HRNR: variants seen among roughly 807,000 people sequenced by gnomAD.
HRNR encodes the protein filaggrin family member 3.
HRNR carries 7 observed loss-of-function variants against 4.8 expected under a neutral mutation model. That is an observed-to-expected ratio of 1.47 (90% CI 0.83 to 2.75). HRNR has a LOEUF of 2.75. HRNR is among the 30% of genes most tolerant of loss of function. HRNR has a pLI of 0.00. For synonymous variants in HRNR, 1,023 were observed against 1,242.7 expected, an observed-to-expected ratio of 0.82 and a Z score of 3.72; for missense variants, 2,879 against 3,010.4, an observed-to-expected ratio of 0.96 and a Z score of 1.02.
chr1:152,219,611 G>A lies in HRNR; in HGVS notation c.2018C>T (p.Ser673Phe). The A allele has an allele frequency of 6.2e-7, 1 of 1,610,628 alleles. No homozygotes were observed. The highest frequency in any genetic ancestry group is 2.2e-5 in the East Asian group (1 of 44,650). Residue 673 changes from serine to phenylalanine, a missense_variant, in exon 3 of 3, where the codon TCC (serine) becomes TTC (phenylalanine). Ser to Phe is a radical substitution (Grantham distance 155, BLOSUM62 -2). Transcript: ENST00000368801. Reference protein sequence around the residue: ...GRHGSDFGHSSSYGQHGSGSG... With the variant: ...GRHGSDFGHSFSYGQHGSGSG... ...GCCAGACCCATGTTGGCCGTAGCTG[G>A]AAGAGTGCCCAAAATCGGACCCATG...
Position 152,220,618 on chromosome 1 carries a change from A to G in HRNR, c.1011T>C (p.His337=). Residue 337 remains histidine (H), a synonymous_variant, in exon 3 of 3, where the codon CAT becomes CAC. Transcript: ENST00000368801. ...AAGTCTGGCCTGAGCCAGACTCATA[A>G]TGGCCACGGCTGTAAGAGTAACTTG... ...SGSSYSYSRG[H]YESGSGQTSG... 6.2e-7 allele frequency: 1 copy of G among 1,610,900 alleles called. No individual in the cohort carries two copies. Among genetic ancestry groups the G allele is most frequent in the East Asian group, 2.2e-5 (1 of 44,584 alleles).
rs1271733837 is a variant in HRNR at position 152,219,524 on chromosome 1, C to A, written c.2105G>T (p.Gly702Val). 6.2e-7 allele frequency: 1 copy of A among 1,613,600 alleles called. No homozygotes were observed. The highest frequency in any genetic ancestry group is 2.2e-5 in the East Asian group (1 of 44,844). ...GSVSGQSSGF[G>V]HKSGSGQSSG... ...GGACTGCCCTGAGCCAGACTTGTGA[C>A]CAAAGCCGGAAGACTGGCCTGAGAC... is the stretch of plus-strand genomic sequence containing the variant. Residue 702 changes from glycine (G) to valine (V), a missense_variant, in exon 3 of 3, where the codon GGT becomes GTT. Physicochemically the swap from Gly to Val is moderately radical, Grantham distance 109. This residue lies in a region of HRNR where 2,646 missense variants were observed against 1,377.7 expected (regional missense o/e 1.92). Coordinates refer to ENST00000368801, the MANE Select transcript of HRNR (RefSeq NM_001009931.3).
chr1:152,212,691 T>G lies in HRNR; in HGVS notation c.*385A>C. 1 of 245,326 alleles carries G rather than the reference T, an allele frequency of 4.1e-6. No individual in the cohort carries two copies. The highest frequency in any genetic ancestry group is 7.8e-6 in the Non-Finnish European group (1 of 128,738). The allele number at this position is 245,326 out of a possible 1,614,324, so 15.2% of individuals were successfully genotyped here. A position where few individuals can be genotyped will look rare whatever the true frequency, so the allele number is the denominator to read the frequency against. The stretch of plus-strand genomic sequence containing the variant: ...CTTTGTATCTAGGACTGGTAATGCA[T>G]TTGTAATATTTTGCTTCTAAGAAAT... On this transcript the variant is annotated 3_prime_UTR_variant, in exon 3 of 3. Transcript: ENST00000368801.
rs370605400 is a variant in HRNR at position 152,219,402 on chromosome 1, C to T, written c.2227G>A (p.Gly743Arg). The T allele has an allele frequency of 1.8e-5, 29 of 1,613,962 alleles. No homozygotes were observed. Among genetic ancestry groups the T allele is most frequent in the African/African-American group, 8.0e-5 (6 of 74,880 alleles). ...SGQSSRSEQH[G>R]SSSGLSSSYG... is the part of the protein sequence containing the mutation. ...CTGGAAGACAAACCTGAGCTAGATC[C>T]GTGTTGTTCACTCCTAGATGACTGT... The change falls in exon 3 of 3, where the codon GGA becomes AGA. Residue 743 changes from glycine to arginine, a missense_variant. This residue lies in a region of HRNR where 2,646 missense variants were observed against 1,377.7 expected (regional missense o/e 1.92). Coordinates refer to ENST00000368801, the MANE Select transcript of HRNR (RefSeq NM_001009931.3).
In HRNR at chr1:152,218,592, G is replaced by A. The variant is rs140036436; in HGVS notation, c.3037C>T (p.Arg1013Ter). ...GACTGCCCGGAACCAGACCCATGTC[G>A]GCCACGGCTAGGGCTAGGAGACTGG... ...SGQSPSPSRG[R>*]HGSGSGQSSS... is the part of the protein sequence containing the mutation. Residue 1013 changes from arginine to a stop codon, truncating the protein, a stop_gained, in exon 3 of 3, where the codon CGA becomes TGA. Coordinates refer to ENST00000368801, the MANE Select transcript of HRNR (RefSeq NM_001009931.3). LOFTEE classifies it low-confidence loss of function (END_TRUNC). 48 of 1,613,418 alleles carry A rather than the reference G, an allele frequency of 3.0e-5. No individual in the cohort carries two copies. The highest frequency in any genetic ancestry group is 1.6e-4 in the Middle Eastern group (1 of 6,080).
At chr1:152,222,346 C>G (rs928007877) in intron 2 of HRNR, among the ~76,000 whole-genome samples, 4 of 152,068 alleles carry the variant, frequency 2.6e-5, no homozygotes, top group African/African-American at 9.7e-5. Flanking sequence ...ATTTTAAGAG[C>G]AATTGGGAAC....
chr1:152,218,885 C>T lies in HRNR; in HGVS notation c.2744G>A (p.Arg915Gln), dbSNP rs372864050. The stretch of plus-strand genomic sequence containing the variant: ...CCCATGTCGGCCACTGCTGGAAGAC[C>T]GACCGGAGCCAGACCCATGTCGGCC... Reference protein sequence around the residue: ...SYGRHGSGSGRSSSSGRHGSG... With the variant: ...SYGRHGSGSGQSSSSGRHGSG... Residue 915 changes from arginine to glutamine, a missense_variant, in exon 3 of 3, where the codon CGG (arginine) becomes CAG (glutamine). By Grantham distance (43) the Arg-to-Gln change is conservative. This residue lies in a region of HRNR where 2,646 missense variants were observed against 1,377.7 expected (regional missense o/e 1.92). Transcript: ENST00000368801. The T allele has an allele frequency of 2.7e-5, 44 of 1,611,384 alleles. No individual in the cohort carries two copies. Among genetic ancestry groups the T allele is most frequent in the Middle Eastern group, 1.7e-4 (1 of 6,050 alleles).
chr1:152,224,058 G>A (rs1295818825), intron 1 of HRNR, 85 bp downstream of exon 1: 1 of 152,094 alleles, frequency 6.6e-6, no homozygotes, highest in Non-Finnish European at 1.5e-5. Flanking sequence ...CTTGTATCTA[G>A]TGCCTCTTTG....
At position 152,222,983 on chromosome 1, in the gene HRNR, A is replaced by G. The variant is rs932849739; in HGVS notation, c.138+133T>C. On this transcript the variant is annotated intron_variant, in intron 2 of 2. Transcript: ENST00000368801. ...GGATCTGCTTTTGACCTTATCTCAA[A>G]CTTTTACCAAACCCTGTTCTCTCTC... The G allele has an allele frequency of 8.4e-5, 75 of 896,190 alleles. 1 individual carries two copies. Among genetic ancestry groups the G allele is most frequent in the Admixed American group, 2.2e-4 (9 of 40,988 alleles). 55.5% of individuals were successfully genotyped at this position (896,190 alleles called of 1,614,324 possible).
In HRNR at chr1:152,223,182, C is replaced by A. The variant is rs1333326045; in HGVS notation, c.72G>T (p.Glu24Asp). ...VFYQYATQHG[E>D]YDTLNKAELK... ...GCTCTGCCTTGTTCAACGTATCATA[C>A]TCCCCATGCTGGGTGGCATATTGGT... is the stretch of plus-strand genomic sequence containing the variant. The change falls in exon 2 of 3, where the codon GAG becomes GAT. Residue 24 changes from glutamate to aspartate, a missense_variant. Transcript: ENST00000368801. 9 of 1,613,740 alleles carry A rather than the reference C, an allele frequency of 5.6e-6. No homozygotes were observed. The highest frequency in any genetic ancestry group is 1.1e-5 in the South Asian group (1 of 91,054).
rs140224856 is a variant in HRNR at position 152,218,725 on chromosome 1, A to G, written c.2904T>C (p.Ser968=). 1.1e-5 allele frequency: 17 copies of G among 1,613,706 alleles called. No individual in the cohort carries two copies. The highest frequency in any genetic ancestry group is 5.3e-5 in the African/African-American group (4 of 74,796). The stretch of plus-strand genomic sequence containing the variant: ...AGCTAGATCCATGTTGTTCGCTCCT[A>G]GATGACTGTCCTGACCTAGAGCCGT... ...EQHGSRSGQS[S]RSEQHGSSSG... Residue 968 remains serine (S), a synonymous_variant, in exon 3 of 3, where the codon TCT becomes TCC. Transcript: ENST00000368801.
At chr1:152,221,617 CT>C in intron 2 of HRNR, 127 bp from the exon 3 acceptor site, 1 of 670,258 alleles carries the variant, frequency 1.5e-6, no homozygotes, top group Non-Finnish European at 2.5e-6. Flanking sequence ...TCACACAGTC[CT>C]TTAGGCTGCA....
chr1:152,220,946 G>T lies in HRNR; in HGVS notation c.683C>A (p.Ser228Tyr). The change falls in exon 3 of 3, where the codon TCT becomes TAT. Residue 228 changes from serine to tyrosine, a missense_variant. This residue lies in a region of HRNR where 2,646 missense variants were observed against 1,377.7 expected (regional missense o/e 1.92). Transcript: ENST00000368801. ...AGACTTGTGTTGACTAAAGCCAGAA[G>T]ACTGGCCTGAGCCAGACCCATGTGT... ...NDTHGSGSGQSSGFSQHKSSS... is the reference protein window; with the variant it reads ...NDTHGSGSGQYSGFSQHKSSS... 6.2e-7 allele frequency: 1 copy of T among 1,612,476 alleles called. No individual in the cohort carries two copies. Among genetic ancestry groups the T allele is most frequent in the Non-Finnish European group, 8.5e-7 (1 of 1,178,390 alleles).
chr1:152,212,226 T>C lies in HRNR; in HGVS notation c.*850A>G, dbSNP rs150706284. ...TTCATCTGGGCATGGATGATATTTT[T>C]TCAGGTGGAAACGTTATTGAACTAC... is the stretch of plus-strand genomic sequence containing the variant. On this transcript the variant is annotated 3_prime_UTR_variant, in exon 3 of 3. Coordinates refer to ENST00000368801, the MANE Select transcript of HRNR (RefSeq NM_001009931.3). The C allele has an allele frequency of 1.3e-5, 2 of 152,312 alleles. No homozygotes were observed. Among genetic ancestry groups the C allele is most frequent in the East Asian group, 3.9e-4 (2 of 5,180 alleles). 9.4% of individuals were successfully genotyped at this position (152,312 alleles called of 1,614,324 possible). A position where few individuals can be genotyped will look rare whatever the true frequency, so the allele number is the denominator to read the frequency against.
At position 152,221,378 on chromosome 1, in the gene HRNR, G is replaced by C; in HGVS notation, c.251C>G (p.Ala84Gly). ...YLLMIFKLVQ[A>G]RNKIIGKDYC... ...ATCTTTGCCAATGATTTTATTACGA[G>C]CCTGAACCAGCTTGAATATCATCAG... The change falls in exon 3 of 3, where the codon GCT (alanine) becomes GGT (glycine). Residue 84 changes from alanine (A) to glycine (G), a missense_variant. Physicochemically the swap from Ala to Gly is moderately conservative, Grantham distance 60. Coordinates refer to ENST00000368801, the MANE Select transcript of HRNR (RefSeq NM_001009931.3). 6.2e-7 allele frequency: 1 copy of C among 1,613,912 alleles called. No individual in the cohort carries two copies. Among genetic ancestry groups the C allele is most frequent in the Non-Finnish European group, 8.5e-7 (1 of 1,180,006 alleles).
chr1:152,220,989 G>A lies in HRNR; in HGVS notation c.640C>T (p.Gln214Ter), dbSNP rs752705296. 1 of 1,614,078 alleles carries A rather than the reference G, an allele frequency of 6.2e-7. No individual in the cohort carries two copies. The highest frequency in any genetic ancestry group is 2.2e-5 in the East Asian group (1 of 44,844). The change falls in exon 3 of 3, where the codon CAG becomes TAG. Residue 214 changes from glutamine (Q) to a stop codon, truncating the protein, a stop_gained. Coordinates refer to ENST00000368801, the MANE Select transcript of HRNR (RefSeq NM_001009931.3). LOFTEE classifies it low-confidence loss of function (END_TRUNC). ...NYGQHGSGSG[Q>*]SSSNDTHGSG... Reference sequence around the variant, plus strand: ...CCATGTGTGTCATTGCTGGAAGACTGTCCGGAGCCAGAGCCGTGTTGGCCA... The same window carrying A: ...CCATGTGTGTCATTGCTGGAAGACTATCCGGAGCCAGAGCCGTGTTGGCCA...
rs1350024309 is a variant in HRNR at position 152,218,708 on chromosome 1, C to G, written c.2921G>C (p.Gly974Ala). 2 of 1,613,564 alleles carry G rather than the reference C, an allele frequency of 1.2e-6. No homozygotes were observed. The highest frequency in any genetic ancestry group is 1.7e-6 in the Non-Finnish European group (2 of 1,179,958). The part of the protein sequence containing the change: ...SGQSSRSEQH[G>A]SSSGSSSSYG... ...GCTGGAAGACGAACCTGAGCTAGAT[C>G]CATGTTGTTCGCTCCTAGATGACTG... is the stretch of plus-strand genomic sequence containing the variant. The change falls in exon 3 of 3, where the codon GGA becomes GCA. Residue 974 changes from glycine (G) to alanine (A), a missense_variant. Transcript: ENST00000368801.
In HRNR at chr1:152,220,534, A is replaced by C; in HGVS notation, c.1095T>G (p.Gly365=). The change falls in exon 3 of 3, where the codon GGT becomes GGG. Residue 365 remains glycine (G), a synonymous_variant. Transcript: ENST00000368801. ...SGQSSGYSKH[G]SGSGHSSSQG... Reference sequence around the variant, plus strand: ...GGCTAGAGGAGTGACCTGAGCCAGAACCATGCTTACTATAGCCAGAGGACT... The same window carrying C: ...GGCTAGAGGAGTGACCTGAGCCAGACCCATGCTTACTATAGCCAGAGGACT... The C allele has an allele frequency of 6.2e-7, 1 of 1,610,212 alleles. No homozygotes were observed. Among genetic ancestry groups the C allele is most frequent in the Non-Finnish European group, 8.5e-7 (1 of 1,177,940 alleles).
In HRNR at chr1:152,213,544, AC is replaced by A. The variant is rs1648477072; in HGVS notation, c.8084del (p.Gly2695ValfsTer158). The A allele has an allele frequency of 7.6e-7, 1 of 1,323,740 alleles. No individual in the cohort carries two copies. The highest frequency in any genetic ancestry group is 1.0e-6 in the Non-Finnish European group (1 of 954,206). The allele number at this position is 1,323,740 out of a possible 1,614,324, so 82.0% of individuals were successfully genotyped here. Reference protein sequence around the residue: ...ESRLGHSSVFGQHESGSGHSS... With the variant: ...ESRLGHSSVFXQHESGSGHSS... The stretch of plus-strand genomic sequence containing the variant: ...AATGTCCTGAGCCAGACTCATGTTG[AC>A]CAAAGACAGAAGAGTGACCCAAGCG... On this transcript the variant is annotated frameshift_variant, in exon 3 of 3. Transcript: ENST00000368801. LOFTEE classifies it low-confidence loss of function (END_TRUNC).
Sources: gnomAD v4.1 joint callset for allele counts (sites outside exome capture counted in the v4.1 genomes callset) on GRCh38, gnomAD v4.1.1 for gene constraint, gnomAD v4.1.1 regional missense constraint, MANE v1.5 for transcripts, NCBI Gene and HGNC (gene_info 2026-07-23, HGNC 2026-07-21) for gene names.